MIPOL1: variants seen among roughly 807,000 people sequenced by gnomAD.
The protein encoded by MIPOL1 is mirror-image polydactyly gene 1 protein.
In MIPOL1, 57 loss-of-function variants were observed where a neutral mutation model predicts 60.9. The ratio of observed to expected loss-of-function variants is 0.94; its 90% CI spans 0.76 to 1.17. The LOEUF (loss-of-function observed/expected upper bound fraction) is 1.17. Ranked by LOEUF, MIPOL1 falls within the 50% of genes most tolerant of loss-of-function variation. The pLI is 0.00. For missense variants in MIPOL1, 551 were observed against 511.6 expected, an observed-to-expected ratio of 1.08 and a Z score of -0.74; for synonymous variants, 179 against 168.8, an observed-to-expected ratio of 1.06 and a Z score of -0.47.
chr14:37,241,471 A>G (rs1400566598), intron 1 of MIPOL1, among the ~76,000 whole-genome samples: 10 of 151,732 alleles, frequency 6.6e-5, no homozygotes, highest in African/African-American at 2.4e-4. Context: ...TAATCCCAGC[A>G]CTTTGGGAGG....
chr14:37,223,110 G>A (rs986221545), intron 1 of MIPOL1, among the ~76,000 whole-genome samples: 1 of 152,006 alleles, frequency 6.6e-6, no homozygotes, highest in Non-Finnish European at 1.5e-5. Flanking sequence ...TCAGCTTACC[G>A]CAAACTCCAC....
intron 11 of MIPOL1, among the ~76,000 whole-genome samples, chr14:37,490,186 G>C (rs1362637900): frequency 6.6e-6 from 1 of 152,166 alleles, no homozygotes; most frequent in Non-Finnish European, 1.5e-5. Flanking sequence ...TCTGGCCACA[G>C]TGGCCTTGCT....
At chr14:37,274,504 C>T (rs1277022834) in intron 6 of MIPOL1, among the ~76,000 whole-genome samples, 2 of 151,344 alleles carry the variant, frequency 1.3e-5, no homozygotes, top group African/African-American at 4.8e-5. Flanking sequence ...TTATTGTGGA[C>T]TCATTATGTT....
At chr14:37,236,167 C>T (rs943418097) in intron 1 of MIPOL1, among the ~76,000 whole-genome samples, 1 of 152,030 alleles carries the variant, frequency 6.6e-6, no homozygotes. Context: ...CTCAGGCAAT[C>T]CACCCACCTT....
chr14:37,362,703 T>A (rs2092317738), intron 9 of MIPOL1, among the ~76,000 whole-genome samples: 1 of 152,200 alleles, frequency 6.6e-6, no homozygotes, highest in South Asian at 2.1e-4. Flanking sequence ...TGAAGAGTGT[T>A]TTCCAACTTG....
chr14:37,299,633 T>G (rs1042344537), intron 7 of MIPOL1, among the ~76,000 whole-genome samples: 4 of 152,080 alleles, frequency 2.6e-5, no homozygotes, highest in African/African-American at 9.7e-5. Flanking sequence ...AATAGTTTTA[T>G]ATTTCTAGAA....
At chr14:37,434,660 G>A (rs1057462015) in intron 11 of MIPOL1, 5 of 151,868 alleles carry the variant, frequency 3.3e-5, no homozygotes, top group African/African-American at 4.8e-5. Context: ...CTGTCGCCTC[G>A]ACTTCCCAGT....
Position 37,285,350 on chromosome 14 carries a change from G to A in MIPOL1, c.526G>A (p.Glu176Lys). 6.2e-7 allele frequency: 1 copy of A among 1,614,010 alleles called. No homozygotes were observed. The highest frequency in any genetic ancestry group is 2.2e-5 in the East Asian group (1 of 44,846). ...LVEEVYFAQK[E>K]RDEAVMSRLQ... is the part of the protein sequence containing the mutation. ...TGAAGAAGTGTATTTTGCGCAGAAGGAACGTGATGAAGCTGTTATGTCTAG... is the reference window on the plus strand; with the variant it reads ...TGAAGAAGTGTATTTTGCGCAGAAGAAACGTGATGAAGCTGTTATGTCTAG... The change falls in exon 7 of 13, where the codon GAA (glutamate) becomes AAA (lysine). Residue 176 changes from glutamate (E) to lysine (K), a missense_variant. Coordinates refer to ENST00000684589, the MANE Select transcript of MIPOL1 (RefSeq NM_001388067.1).
chr14:37,316,625 G>A (rs1039625967), intron 9 of MIPOL1, among the ~76,000 whole-genome samples: 4 of 147,778 alleles, frequency 2.7e-5, no homozygotes, highest in African/African-American at 7.5e-5. Flanking sequence ...TTTTTAATGG[G>A]ATGTTCTAGC....
intron 12 of MIPOL1, among the ~76,000 whole-genome samples, chr14:37,509,718 C>T (rs572713437): frequency 2.3e-4 from 35 of 149,854 alleles, no homozygotes; most frequent in African/African-American, 4.4e-4. Flanking sequence ...TGTTTATGTA[C>T]GTTTATACAC....
chr14:37,508,761 G>T (rs952948900), intron 12 of MIPOL1, among the ~76,000 whole-genome samples: 1 of 152,094 alleles, frequency 6.6e-6, no homozygotes, highest in Non-Finnish European at 1.5e-5. Flanking sequence ...TCCTCAGAAG[G>T]TCTCTGCCTT....
intron 9 of MIPOL1, among the ~76,000 whole-genome samples, chr14:37,313,058 A>C (rs2153437730): frequency 6.6e-6 from 1 of 152,292 alleles, no homozygotes; most frequent in South Asian, 2.1e-4. Flanking sequence ...ATCTGTCACT[A>C]ATTTTCACTT....
At position 37,422,927 on chromosome 14, in the gene MIPOL1, C is replaced by T. The variant is rs775768736; in HGVS notation, c.1009C>T (p.Gln337Ter). The change falls in exon 11 of 13, where the codon CAG (glutamine) becomes TAG (stop). Residue 337 changes from glutamine to a stop codon, truncating the protein, a stop_gained. Transcript: ENST00000684589. LOFTEE classifies it high-confidence loss of function. The stretch of plus-strand genomic sequence containing the variant: ...GTACAAAAAACTGGAAGAGGAAATC[C>T]AGACCCTTCGAGTTTACTACAGGTA... Reference protein sequence around the residue: ...QQYKKLEEEIQTLRVYYSLHK... With the variant: ...QQYKKLEEEI The T allele has an allele frequency of 1.9e-5, 30 of 1,606,238 alleles. 1 individual carries two copies. In the South Asian group the frequency reaches 2.9e-4, roughly 15 times the overall value.
At chr14:37,383,809 A>G (rs535050194) in intron 10 of MIPOL1, among the ~76,000 whole-genome samples, 8 of 152,022 alleles carry the variant, frequency 5.3e-5, no homozygotes, top group African/African-American at 1.7e-4. Context: ...AATTAAGCAA[A>G]TGTTTTATAT....
chr14:37,337,667 C>T (rs1177263657), intron 9 of MIPOL1, among the ~76,000 whole-genome samples: 1 of 151,804 alleles, frequency 6.6e-6, no homozygotes, highest in Non-Finnish European at 1.5e-5. Context: ...TGTGCCTGGC[C>T]TTGTATGTGT....
intron 10 of MIPOL1, among the ~76,000 whole-genome samples, chr14:37,381,000 A>G (rs2092909593): frequency 6.6e-6 from 1 of 152,042 alleles, no homozygotes; most frequent in African/African-American, 2.4e-5. Flanking sequence ...AACGCTCTAT[A>G]TCGTCTATTC....
chr14:37,439,650 G>A (rs973455787), intron 11 of MIPOL1, among the ~76,000 whole-genome samples: 3 of 151,962 alleles, frequency 2.0e-5, no homozygotes, highest in East Asian at 1.9e-4. Context: ...CCCTGAAAAC[G>A]TCAACCCCTG....
At chr14:37,543,362 G>A (rs1423851203) in intron 12 of MIPOL1, among the ~76,000 whole-genome samples, 1 of 151,904 alleles carries the variant, frequency 6.6e-6, no homozygotes, top group Admixed American at 6.6e-5. Flanking sequence ...TGAAACCTCG[G>A]CCTCCCAGGT....
chr14:37,495,978 T>G lies in MIPOL1; in HGVS notation c.1032-3930T>G, dbSNP rs898826088. Among the ~76,000 whole-genome samples the G allele has an allele frequency of 6.6e-3, 991 of 149,196 alleles. 10 individuals carry two copies. Among genetic ancestry groups the G allele is most frequent in the African/African-American group, 0.024 (955 of 40,574 alleles). Reference sequence around the variant, plus strand: ...TCGCCCACTTTTTGATGGGGTTGTTTGTTTTTTTCTTGTAAATTTGTTTGA... The same window carrying G: ...TCGCCCACTTTTTGATGGGGTTGTTGGTTTTTTTCTTGTAAATTTGTTTGA... On this transcript the variant is annotated intron_variant, in intron 11 of 12. Transcript: ENST00000684589.
Sources: allele counts gnomAD v4.1 joint callset (sites outside exome capture counted in the v4.1 genomes callset), GRCh38; gene constraint gnomAD v4.1.1; transcripts MANE v1.5; gene names NCBI Gene and HGNC (gene_info 2026-07-23, HGNC 2026-07-21).